The following RANBP2 variants were observed in gnomAD, a reference collection of about 807,000 sequenced individuals.
RANBP2 encodes the protein RAN binding protein 2, also known as E3 SUMO-protein ligase RanBP2.
A neutral mutation model predicts 303.6 loss-of-function variants in RANBP2; 57 were observed. The ratio of observed to expected loss-of-function variants is 0.19; its 90% CI spans 0.15 to 0.23. The LOEUF (loss-of-function observed/expected upper bound fraction) is 0.23. Ranked by LOEUF, RANBP2 falls within the 10% of genes least tolerant of loss-of-function variation. The probability of loss-of-function intolerance (pLI) is 1.00; values close to 1 mark genes in which losing one functional copy is unlikely to be tolerated. For missense variants in RANBP2, 3,138 were observed against 3,780.8 expected (o/e 0.83, Z 4.46); for synonymous variants, 1,167 against 1,301.5 (o/e 0.90, Z 2.23).
chr2:109,428,009 A>G, the RANBP2 span, among the ~76,000 whole-genome samples: 1 of 152,144 alleles, frequency 6.6e-6, no homozygotes, highest in Admixed American at 6.5e-5. Context: ...CAGCCCTTCC[A>G]CAGGACTTAC....
At chr2:108,904,748 A>G in the RANBP2 span, among the ~76,000 whole-genome samples, 1 of 151,970 alleles carries the variant, frequency 6.6e-6, no homozygotes, top group Non-Finnish European at 1.5e-5. Flanking sequence ...CTTTTATAAC[A>G]CTCTTGAAAT....
the RANBP2 span, among the ~76,000 whole-genome samples, chr2:109,184,463 T>C: frequency 6.6e-6 from 1 of 152,202 alleles, no homozygotes; most frequent in Non-Finnish European, 1.5e-5. Context: ...GGGGGAGCTC[T>C]GGTCCCCTGT....
At chr2:109,217,698 C>T in the RANBP2 span, among the ~76,000 whole-genome samples, 1 of 152,208 alleles carries the variant, frequency 6.6e-6, no homozygotes, top group African/African-American at 2.4e-5. Flanking sequence ...TGTCCGAAGA[C>T]CTTTTTGGGG....
the RANBP2 span, among the ~76,000 whole-genome samples, chr2:109,460,986 G>T: frequency 6.6e-6 from 1 of 152,210 alleles, no homozygotes; most frequent in East Asian, 1.9e-4. Context: ...TGTGAACCAG[G>T]CTCAAGTCTT....
At chr2:108,921,911 A>C in the RANBP2 span, among the ~76,000 whole-genome samples, 1 of 152,234 alleles carries the variant, frequency 6.6e-6, no homozygotes, top group South Asian at 2.1e-4. Context: ...CCGGATTCTA[A>C]GGCCCTACCC....
chr2:109,371,447 C>G, the RANBP2 span: 1 of 620,312 alleles, frequency 1.6e-6, no homozygotes, highest in South Asian at 2.3e-5. Context: ...TGTCAGATAC[C>G]TGAATGGATA....
the RANBP2 span, among the ~76,000 whole-genome samples, chr2:108,965,273 C>G: frequency 2.0e-5 from 3 of 151,932 alleles, no homozygotes; most frequent in Non-Finnish European, 4.4e-5. Flanking sequence ...GTCAGGAGAT[C>G]GAGACCATCC....
chr2:108,938,631 C>A, the RANBP2 span, among the ~76,000 whole-genome samples: 1 of 151,774 alleles, frequency 6.6e-6, no homozygotes, highest in African/African-American at 2.4e-5. Flanking sequence ...AGGATCTTGT[C>A]GAACTGACAA....
At chr2:109,295,804 C>T in the RANBP2 span, among the ~76,000 whole-genome samples, 134 of 152,238 alleles carry the variant, frequency 8.8e-4, 2 homozygotes, top group South Asian at 3.5e-3. Flanking sequence ...GCCGGCTTTA[C>T]GGATGGCTGC....
chr2:109,633,980 T>G, the RANBP2 span, among the ~76,000 whole-genome samples: 1 of 151,030 alleles, frequency 6.6e-6, no homozygotes, highest in South Asian at 2.1e-4. Flanking sequence ...ATTAGCTGGG[T>G]GTGGTGGCGG....
At chr2:109,068,978 G>C in the RANBP2 span, among the ~76,000 whole-genome samples, 1 of 152,170 alleles carries the variant, frequency 6.6e-6, no homozygotes, top group Non-Finnish European at 1.5e-5. Flanking sequence ...ATTTCAGTGT[G>C]TTTCCATTTC....
chr2:108,741,726 A>G (rs1017721359), intron 7 of RANBP2, among the ~76,000 whole-genome samples: 8 of 143,880 alleles, frequency 5.6e-5, no homozygotes, highest in Non-Finnish European at 1.1e-4. Context: ...GTTAGCCAGG[A>G]TGGTCTCAAT....
chr2:109,733,701 G>A, the RANBP2 span, among the ~76,000 whole-genome samples: 33 of 151,616 alleles, frequency 2.2e-4, no homozygotes, highest in African/African-American at 7.2e-4. Context: ...AAAAATACAC[G>A]AAAAAACAAA....
At chr2:109,249,457 T>TTC in the RANBP2 span, among the ~76,000 whole-genome samples, 11 of 147,188 alleles carry the variant, frequency 7.5e-5, no homozygotes, top group African/African-American at 1.0e-4. Flanking sequence ...CTCTCTCTCT[T>TTC]TCTCTCTTTC....
the RANBP2 span, among the ~76,000 whole-genome samples, chr2:109,170,355 C>CT: frequency 6.8e-6 from 1 of 147,732 alleles, no homozygotes; most frequent in Non-Finnish European, 1.5e-5. Flanking sequence ...TCCTTTCTTT[C>CT]TTTCTTTTTT....
At chr2:109,765,048 A>G in the RANBP2 span, among the ~76,000 whole-genome samples, 2 of 120,262 alleles carry the variant, frequency 1.7e-5, no homozygotes, top group African/African-American at 3.7e-5. Flanking sequence ...ACAGCTTCAT[A>G]TAAGCCAGAA....
chr2:109,287,359 C>T, the RANBP2 span, among the ~76,000 whole-genome samples: 3 of 152,172 alleles, frequency 2.0e-5, no homozygotes, highest in Non-Finnish European at 4.4e-5. Context: ...TACATCTTGA[C>T]TCTGAACCAC....
chr2:109,559,067 G>C, the RANBP2 span, among the ~76,000 whole-genome samples: 1 of 152,014 alleles, frequency 6.6e-6, no homozygotes, highest in South Asian at 2.1e-4. Flanking sequence ...TGTATTTTTA[G>C]TACAGACAGG....
chr2:109,396,913 A>G, the RANBP2 span, among the ~76,000 whole-genome samples: 120 of 152,292 alleles, frequency 7.9e-4, no homozygotes, highest in East Asian at 0.021. Flanking sequence ...TCACTGACTC[A>G]CTGCCTCTCT....
Sources: gnomAD v4.1 joint callset for allele counts (sites outside exome capture counted in the v4.1 genomes callset) on GRCh38, gnomAD v4.1.1 for gene constraint, MANE v1.5 for transcripts, NCBI Gene and HGNC (gene_info 2026-07-23, HGNC 2026-07-21) for gene names.